Variants in AGMO observed in about 807,000 individuals in gnomAD.
AGMO encodes alkylglycerol monooxygenase.
A neutral mutation model predicts 60.2 loss-of-function variants in AGMO; 75 were observed. The ratio of observed to expected loss-of-function variants is 1.25; its 90% confidence interval spans 1.03 to 1.51. The LOEUF (loss-of-function observed/expected upper bound fraction) is 1.51. AGMO is among the 40% of genes most tolerant of loss of function. The pLI is 0.00. For missense variants in AGMO, 763 were observed against 525.5 expected (o/e 1.45, Z -4.42); for synonymous variants, 261 against 177.1 (o/e 1.47, Z -3.76).
intron 2 of AGMO, among the ~76,000 whole-genome samples, chr7:15,552,899 T>C (rs1785007805): frequency 1.3e-5 from 2 of 150,252 alleles, no homozygotes; most frequent in Non-Finnish European, 3.0e-5. Flanking sequence ...TTATTCACGA[T>C]AGCAAAGACT....
downstream of AGMO, among the ~76,000 whole-genome samples, chr7:15,196,752 G>A (rs4721416): frequency 0.53 from 79,996 of 152,048 alleles, 21,092 homozygotes; most frequent in South Asian, 0.6. Flanking sequence ...AAGACAAGTT[G>A]TAATTTGGGG....
the AGMO span, among the ~76,000 whole-genome samples, chr7:15,179,183 G>T: frequency 6.6e-6 from 1 of 151,950 alleles, no homozygotes; most frequent in African/African-American, 2.4e-5. Flanking sequence ...CACAATAGGG[G>T]CCATAACATC....
intron 12 of AGMO, among the ~76,000 whole-genome samples, chr7:15,333,174 T>C (rs889619000): frequency 2.0e-5 from 3 of 152,152 alleles, no homozygotes; most frequent in African/African-American, 4.8e-5. Context: ...TAGCTTGAAA[T>C]GGATACTCAT....
chr7:15,242,732 TA>T (rs968018784), intron 12 of AGMO, among the ~76,000 whole-genome samples: 1 of 152,018 alleles, frequency 6.6e-6, no homozygotes, highest in African/African-American at 2.4e-5. Context: ...CACTGCTGAG[TA>T]AAAAACTTCA....
the AGMO span, among the ~76,000 whole-genome samples, chr7:15,160,059 G>C: frequency 2.0e-5 from 3 of 152,152 alleles, no homozygotes; most frequent in Non-Finnish European, 4.4e-5. Context: ...TTGGATAATG[G>C]AGCTGAGCCA....
chr7:15,342,151 G>T (rs1275940885), intron 12 of AGMO, among the ~76,000 whole-genome samples: 2 of 114,950 alleles, frequency 1.7e-5, no homozygotes, highest in African/African-American at 7.5e-5. Flanking sequence ...CCAGTAAGCT[G>T]AGAGTAGATA....
At chr7:15,390,426 G>A (rs554374052) in intron 8 of AGMO, among the ~76,000 whole-genome samples, 3 of 152,196 alleles carry the variant, frequency 2.0e-5, no homozygotes, top group Non-Finnish European at 2.9e-5. Flanking sequence ...ATGTTTAGAA[G>A]CCACTTTATT....
chr7:15,377,323 G>A (rs1181431287), intron 10 of AGMO, among the ~76,000 whole-genome samples: 1 of 152,086 alleles, frequency 6.6e-6, no homozygotes, highest in Non-Finnish European at 1.5e-5. Context: ...CTTTCAGTTT[G>A]TAAAGGGTTT....
chr7:15,428,362 CAAAAATA>C (rs1781129648), intron 4 of AGMO, among the ~76,000 whole-genome samples: 1 of 152,102 alleles, frequency 6.6e-6, no homozygotes, highest in Admixed American at 6.6e-5. Flanking sequence ...AGTCCCCTTC[CAAAAATA>C]TTTAGCAGCT....
At chr7:15,429,298 T>A (rs1303904978) in intron 4 of AGMO, among the ~76,000 whole-genome samples, 1 of 152,088 alleles carries the variant, frequency 6.6e-6, no homozygotes, top group Non-Finnish European at 1.5e-5. Context: ...TTAAGATTAT[T>A]AACTTAACTA....
chr7:15,304,307 T>C (rs905905898), intron 12 of AGMO, among the ~76,000 whole-genome samples: 4 of 152,116 alleles, frequency 2.6e-5, no homozygotes, highest in African/African-American at 7.2e-5. Context: ...CTCAACTCCC[T>C]TGAGGTCTTC....
intron 12 of AGMO, among the ~76,000 whole-genome samples, chr7:15,269,228 G>T (rs1160320959): frequency 1.3e-5 from 2 of 152,186 alleles, no homozygotes; most frequent in African/African-American, 4.8e-5. Context: ...TTAGCAGCTT[G>T]TGTGTGCAAG....
chr7:15,430,488 A>G (rs1453790292), intron 4 of AGMO, among the ~76,000 whole-genome samples: 2 of 151,510 alleles, frequency 1.3e-5, no homozygotes, highest in African/African-American at 4.8e-5. Context: ...TAATCTTGTA[A>G]TTTCCTTGTG....
At chr7:15,529,519 T>C (rs1294189351) in intron 3 of AGMO, among the ~76,000 whole-genome samples, 1 of 109,750 alleles carries the variant, frequency 9.1e-6, no homozygotes, top group East Asian at 2.8e-4. Flanking sequence ...TAGAATCTGT[T>C]CTTAGACTAG....
chr7:15,159,443 T>C, the AGMO span, among the ~76,000 whole-genome samples: 1 of 152,308 alleles, frequency 6.6e-6, no homozygotes, highest in East Asian at 1.9e-4. Context: ...CACTGCATGC[T>C]CCTAGGGCAT....
intron 12 of AGMO, among the ~76,000 whole-genome samples, chr7:15,229,391 G>GATAAA (rs1244975450): frequency 2.0e-4 from 30 of 151,070 alleles, no homozygotes; most frequent in African/African-American, 4.1e-4. Flanking sequence ...ACAAAAATAA[G>GATAAA]ATAAAATAAA....
intron 3 of AGMO, among the ~76,000 whole-genome samples, chr7:15,433,994 T>C (rs530799012): frequency 6.6e-6 from 1 of 152,220 alleles, no homozygotes; most frequent in Admixed American, 6.6e-5. Flanking sequence ...AAAATCCATC[T>C]TCTTTTAATG....
At chr7:15,119,595 A>G in the AGMO span, among the ~76,000 whole-genome samples, 30 of 152,226 alleles carry the variant, frequency 2.0e-4, no homozygotes, top group African/African-American at 6.7e-4. Context: ...AGTATATCCA[A>G]TGTATTAATC....
intron 3 of AGMO, among the ~76,000 whole-genome samples, chr7:15,538,950 A>G (rs1169346439): frequency 2.0e-5 from 3 of 152,124 alleles, no homozygotes; most frequent in African/African-American, 7.2e-5. Flanking sequence ...TGTGTTGAGG[A>G]AAAAAAGTTA....
Sources: gnomAD v4.1 joint callset for allele counts (sites outside exome capture counted in the v4.1 genomes callset) on GRCh38, gnomAD v4.1.1 for gene constraint, MANE v1.5 for transcripts, NCBI Gene and HGNC (gene_info 2026-07-23, HGNC 2026-07-21) for gene names.